The following KNDC1 variants were observed in gnomAD, a reference collection of about 807,000 sequenced individuals.
KNDC1 encodes the protein kinase non-catalytic C-lobe domain-containing protein 1.
In KNDC1, 106 loss-of-function variants were observed where a neutral mutation model predicts 172.8. The ratio of observed to expected loss-of-function variants is 0.61; its 90% CI spans 0.52 to 0.72. The LOEUF is 0.72. KNDC1 is among the 30% of genes least tolerant of loss of function. KNDC1 has a pLI of 0.00. For synonymous variants in KNDC1, 1,083 were observed against 1,062.2 expected (o/e 1.02, Z -0.38); for missense variants, 2,325 against 2,394.5 (o/e 0.97, Z 0.61).
rs1406396461 is a variant in KNDC1, at chr10:133,183,434, G to A, written c.451G>A (p.Glu151Lys). The A allele has an allele frequency of 1.2e-6, 2 of 1,605,958 alleles. No homozygotes were observed. The highest frequency in any genetic ancestry group is 2.2e-5 in the East Asian group (1 of 44,628). ...TLEPRLSQDL[E>K]ALLSRMQAED... Reference sequence around the variant, plus strand: ...GGAACCCAGGCTGAGCCAAGACCTCGAGGCGCTGCTGAGCCGGATGCAGGC... The same window carrying A: ...GGAACCCAGGCTGAGCCAAGACCTCAAGGCGCTGCTGAGCCGGATGCAGGC... The change falls in exon 4 of 30, where the codon GAG becomes AAG. Residue 151 changes from glutamate (E) to lysine (K), a missense_variant. By Grantham distance (56) the Glu-to-Lys change is moderately conservative. Transcript: ENST00000304613.
At chr10:133,165,442 C>G (rs984578768) in intron 1 of KNDC1, among the ~76,000 whole-genome samples, 1 of 152,210 alleles carries the variant, frequency 6.6e-6, no homozygotes, top group African/African-American at 2.4e-5. Context: ...AGGCGCCTGA[C>G]CTGTGAGTGA....
rs766980973 is a variant in KNDC1, at chr10:133,213,738, G to A, written c.4526+11G>A. ...CACTGCCATCCCCAAGTGAGCGTCC[G>A]GGACCCTCAGCTGGGAGCGGTGGTG... On this transcript the variant is annotated intron_variant, in intron 25 of 29. Transcript: ENST00000304613. 6.0e-5 allele frequency: 96 copies of A among 1,612,770 alleles called. No individual in the cohort carries two copies. The highest frequency in any genetic ancestry group is 7.0e-5 in the Non-Finnish European group (82 of 1,178,996).
chr10:133,222,154 G>T lies in KNDC1; in HGVS notation c.5018+2042G>T, dbSNP rs1185636168. ...AAAAATTAGCCGGGCGCGGTGGCGG[G>T]CGCCTGTAGTCCCAGCTACTCGGGA... On this transcript the variant is annotated intron_variant, in intron 29 of 29. Coordinates refer to ENST00000304613, the MANE Select transcript of KNDC1 (RefSeq NM_152643.8). Among the ~76,000 whole-genome samples the T allele has an allele frequency of 2.8e-3, 420 of 149,454 alleles. 1 individual carries two copies. Among genetic ancestry groups the T allele is most frequent in the African/African-American group, 9.9e-3 (396 of 40,138 alleles).
At chr10:133,177,207 AGT>A (rs982579182) in intron 3 of KNDC1, among the ~76,000 whole-genome samples, 2 of 149,972 alleles carry the variant, frequency 1.3e-5, no homozygotes, top group Admixed American at 6.7e-5. Context: ...TATGTAGTAT[AGT>A]GTGTGTGTGC....
chr10:133,200,574 G>T (rs2998137), intron 16 of KNDC1, 114 bp downstream of exon 16: 5 of 766,144 alleles, frequency 6.5e-6, no homozygotes, highest in Non-Finnish European at 9.2e-6. Flanking sequence ...CTGCTCCAGC[G>T]GGGCTGCCTT....
intron 10 of KNDC1, 64 bp downstream of exon 10, chr10:133,195,885 G>A (rs1854177878): frequency 8.5e-6 from 12 of 1,413,074 alleles, no homozygotes; most frequent in African/African-American, 5.9e-5. Context: ...GGCCGCCCTC[G>A]CTGAGCTGGG....
intron 23 of KNDC1, among the ~76,000 whole-genome samples, chr10:133,212,229 T>C (rs1845383812): frequency 6.6e-6 from 1 of 150,990 alleles, no homozygotes; most frequent in South Asian, 2.1e-4. Flanking sequence ...CACCTACACG[T>C]GTGCACCCTC....
At chr10:133,200,537 C>T (rs1854333676) in intron 16 of KNDC1, 77 bp downstream of exon 16, 6 of 1,137,598 alleles carry the variant, frequency 5.3e-6, no homozygotes, top group Non-Finnish European at 7.0e-6. Flanking sequence ...GGGGGGCGCC[C>T]CAGGGTCCCA....
chr10:133,181,079 TG>T (rs1227936241), intron 3 of KNDC1, among the ~76,000 whole-genome samples: 1 of 151,916 alleles, frequency 6.6e-6, no homozygotes, highest in Non-Finnish European at 1.5e-5. Context: ...AGATGCCACA[TG>T]GGGCACCCAC....
rs564903874 is a variant in KNDC1, at chr10:133,183,981, C to T, written c.617C>T (p.Ala206Val). The T allele has an allele frequency of 1.0e-5, 16 of 1,571,300 alleles. No individual in the cohort carries two copies. The highest frequency in any genetic ancestry group is 2.7e-5 in the African/African-American group (2 of 73,686). The change falls in exon 5 of 30, where the codon GCG becomes GTG. Residue 206 changes from alanine (A) to valine (V), a missense_variant. Coordinates refer to ENST00000304613, the MANE Select transcript of KNDC1 (RefSeq NM_152643.8). ...GTCCTCTCCATCGAGTCCTTCGGAGCGCTGCAGGGTGAGTTCTTGAACCCA... is the reference window on the plus strand; with the variant it reads ...GTCCTCTCCATCGAGTCCTTCGGAGTGCTGCAGGGTGAGTTCTTGAACCCA... ...RRVLSIESFGALQDVSESSWR... is the reference protein window; with the variant it reads ...RRVLSIESFGVLQDVSESSWR...
intron 28 of KNDC1, 51 bp from the exon 29 acceptor site, chr10:133,219,904 C>A: frequency 6.6e-7 from 1 of 1,525,204 alleles, no homozygotes; most frequent in Non-Finnish European, 8.8e-7. Flanking sequence ...GAGGCTCCTG[C>A]ACTGACCACG....
chr10:133,168,779 C>T (rs192970126), intron 3 of KNDC1, among the ~76,000 whole-genome samples: 8 of 152,378 alleles, frequency 5.3e-5, no homozygotes, highest in African/African-American at 1.9e-4. Flanking sequence ...AGGCACAGCT[C>T]CTGGGTATGG....
intron 3 of KNDC1, chr10:133,179,234 CG>C (rs35000548): frequency 0.45 from 68,166 of 151,888 alleles, 15,762 homozygotes; most frequent in South Asian, 0.65. Context: ...GTTCCTGCCC[CG>C]AAATCTGATC....
intron 3 of KNDC1, among the ~76,000 whole-genome samples, chr10:133,176,607 C>T (rs1333617205): frequency 6.6e-6 from 1 of 152,194 alleles, no homozygotes; most frequent in Non-Finnish European, 1.5e-5. Context: ...GCTCCTTTGA[C>T]CTGGAGTGTC....
In KNDC1 at chr10:133,163,611, C is replaced by T. The variant is rs1358662527; in HGVS notation, c.102+3042C>T. ...TTGTATTAGTCCTGTTAGAATCCCA[C>T]GGCTGAAAAAAATCAGTTGGTCATA... On this transcript the variant is annotated intron_variant, in intron 1 of 29. Transcript: ENST00000304613. This position sits in a 1 kb window ranked among gnomAD's most constrained non-coding sequence, Gnocchi z 4.4. 1.3e-5 allele frequency among the ~76,000 whole-genome samples: 2 copies of T among 152,066 alleles called. No individual in the cohort carries two copies. Among genetic ancestry groups the T allele is most frequent in the Admixed American group, 6.5e-5 (1 of 15,282 alleles).
chr10:133,198,239 G>GCAC (rs1854248722), intron 12 of KNDC1, 98 bp from the exon 13 acceptor site: 1 of 1,357,290 alleles, frequency 7.4e-7, no homozygotes, highest in African/African-American at 1.5e-5. Context: ...GCGGCACCAC[G>GCAC]CACTGGGTGG....
intron 7 of KNDC1, 86 bp downstream of exon 7, chr10:133,188,739 T>G: frequency 5.3e-6 from 2 of 380,890 alleles, no homozygotes; most frequent in South Asian, 2.1e-5. Flanking sequence ...ACCCCCGCCG[T>G]CCCACCCCCC....
In KNDC1 at chr10:133,224,932, C is replaced by A; in HGVS notation, c.*42C>A. The A allele has an allele frequency of 1.3e-6, 2 of 1,507,732 alleles. No individual in the cohort carries two copies. Among genetic ancestry groups the A allele is most frequent in the Non-Finnish European group, 1.8e-6 (2 of 1,091,126 alleles). The allele number at this position is 1,507,732 out of a possible 1,614,324, so 93.4% of individuals were successfully genotyped here. A position where few individuals can be genotyped will look rare whatever the true frequency, so the allele number is the denominator to read the frequency against. On this transcript the variant is annotated 3_prime_UTR_variant, in exon 30 of 30. Transcript: ENST00000304613. The surrounding 1 kb of genome is among the most constrained non-coding windows in gnomAD (Gnocchi z 5.4). Reference sequence around the variant, plus strand: ...TGTGGAATTCCAGATCCGAATCCGACTGTGGGGGGCGGGCTGGGAGGTGGG... The same window carrying A: ...TGTGGAATTCCAGATCCGAATCCGAATGTGGGGGGCGGGCTGGGAGGTGGG...
intron 5 of KNDC1, among the ~76,000 whole-genome samples, 177 bp downstream of exon 5, chr10:133,184,166 ACAC>A: frequency 7.2e-6 from 1 of 138,960 alleles, no homozygotes. Flanking sequence ...CACACTGCAC[ACAC>A]ACCTATGCAC....
Sources: gnomAD v4.1 joint callset for allele counts (sites outside exome capture counted in the v4.1 genomes callset) on GRCh38, gnomAD v4.1.1 for gene constraint, Gnocchi (gnomAD v3.1) non-coding constraint, MANE v1.5 for transcripts, NCBI Gene and HGNC (gene_info 2026-07-23, HGNC 2026-07-21) for gene names.